Variants in ANKRD30BL observed in about 807,000 individuals in gnomAD.
The protein encoded by ANKRD30BL is putative ankyrin repeat domain-containing protein 30B-like.
ANKRD30BL carries 20 observed loss-of-function variants against 18.4 expected under a neutral mutation model. The ratio of observed to expected loss-of-function variants is 1.09; its 90% CI spans 0.77 to 1.58. The LOEUF is 1.58. Ranked by LOEUF, ANKRD30BL falls within the 40% of genes most tolerant of loss-of-function variation. The probability of loss-of-function intolerance (pLI) is 0.00; values close to 1 mark genes in which losing one functional copy is unlikely to be tolerated. For synonymous variants in ANKRD30BL, 72 were observed against 100.9 expected (o/e 0.71, Z 1.72); for missense variants, 224 against 268.6 (o/e 0.83, Z 1.16).
chr2:132,165,765 CT>C (rs542769216), upstream of ANKRD30BL, among the ~76,000 whole-genome samples: 1,692 of 137,552 alleles, frequency 0.012, 19 homozygotes, highest in African/African-American at 0.03. Context: ...ATATGTAAGA[CT>C]TTTTTTTTTT....
intron 1 of ANKRD30BL, 69 bp downstream of exon 1, chr2:132,161,419 C>T (rs998695834): frequency 1.4e-4 from 188 of 1,370,934 alleles, no homozygotes; most frequent in Non-Finnish European, 1.7e-4. Flanking sequence ...CCAGGCCCCA[C>T]TCTGAAGGGG....
At chr2:132,221,590 A>G (rs1223546788) in intron 1 of ANKRD30BL, among the ~76,000 whole-genome samples, 2 of 100,934 alleles carry the variant, frequency 2.0e-5, no homozygotes, top group African/African-American at 4.3e-5. Context: ...TCTGGGAGGG[A>G]GGTGGGGGGA....
chr2:132,230,028 C>T (rs62166106), intron 1 of ANKRD30BL, among the ~76,000 whole-genome samples: 6 of 151,718 alleles, frequency 4.0e-5, no homozygotes, highest in Admixed American at 4.0e-4. Context: ...CAACTCACAG[C>T]GTTGAAACTT....
intron 1 of ANKRD30BL, among the ~76,000 whole-genome samples, chr2:132,227,837 C>G (rs150905184): frequency 0.011 from 1,636 of 152,128 alleles, 29 homozygotes; most frequent in African/African-American, 0.037. Flanking sequence ...TTTGGAGATT[C>G]TGCAAGTGGA....
chr2:132,241,722 C>T (rs1573883209), intron 1 of ANKRD30BL, among the ~76,000 whole-genome samples: 1 of 151,676 alleles, frequency 6.6e-6, no homozygotes, highest in African/African-American at 2.4e-5. Flanking sequence ...TGAGAAACTT[C>T]TTTCTGATGT....
At chr2:132,200,732 C>T (rs1679081153) in intron 1 of ANKRD30BL, among the ~76,000 whole-genome samples, 1 of 152,036 alleles carries the variant, frequency 6.6e-6, no homozygotes, top group South Asian at 2.1e-4. Context: ...AGGTAATTTA[C>T]ACATTCAATG....
chr2:132,218,552 G>A (rs1176093945), intron 1 of ANKRD30BL, among the ~76,000 whole-genome samples: 1 of 152,270 alleles, frequency 6.6e-6, no homozygotes, highest in African/African-American at 2.4e-5. Context: ...TGATAGAGCA[G>A]GTTTGAAACA....
At chr2:132,222,698 C>T (rs188536114) in intron 1 of ANKRD30BL, among the ~76,000 whole-genome samples, 16 of 151,868 alleles carry the variant, frequency 1.1e-4, no homozygotes, top group African/African-American at 2.7e-4. Context: ...ACAAACATTG[C>T]GGAAGGCCGC....
At chr2:132,232,372 C>T (rs1387384267) in intron 1 of ANKRD30BL, among the ~76,000 whole-genome samples, 12 of 152,092 alleles carry the variant, frequency 7.9e-5, no homozygotes, top group East Asian at 3.9e-4. Context: ...AGGCTTCAGA[C>T]GATCAAATTA....
At chr2:132,226,995 A>T (rs1332241337) in intron 1 of ANKRD30BL, among the ~76,000 whole-genome samples, 2 of 151,822 alleles carry the variant, frequency 1.3e-5, no homozygotes, top group African/African-American at 4.8e-5. Flanking sequence ...GTAAGTGGAC[A>T]TTTGGAGTGC....
At chr2:132,183,416 A>G (rs1479506089) in intron 1 of ANKRD30BL, among the ~76,000 whole-genome samples, 2 of 152,184 alleles carry the variant, frequency 1.3e-5, no homozygotes, top group African/African-American at 4.8e-5. Context: ...GGCATGAATC[A>G]CTGCACCCGG....
chr2:132,250,210 A>G (rs1680614895), intron 1 of ANKRD30BL, among the ~76,000 whole-genome samples: 1 of 152,328 alleles, frequency 6.6e-6, no homozygotes, highest in Non-Finnish European at 1.5e-5. Flanking sequence ...CACTTTGCAG[A>G]TTGTACAAGA....
chr2:132,243,850 A>G (rs1680402886), intron 1 of ANKRD30BL, among the ~76,000 whole-genome samples: 1 of 152,248 alleles, frequency 6.6e-6, no homozygotes, highest in Admixed American at 6.6e-5. Flanking sequence ...TTTTTGTAGG[A>G]TCTGTAAGTT....
chr2:132,195,856 C>T (rs948502027), intron 1 of ANKRD30BL, among the ~76,000 whole-genome samples: 6 of 130,212 alleles, frequency 4.6e-5, no homozygotes, highest in Non-Finnish European at 1.0e-4. Flanking sequence ...AAAATAAAAA[C>T]AGACGTCGAG....
chr2:132,157,839 T>G (rs184165611), intron 1 of ANKRD30BL, among the ~76,000 whole-genome samples: 2 of 152,316 alleles, frequency 1.3e-5, no homozygotes, highest in Non-Finnish European at 2.9e-5. Flanking sequence ...AGCTCAGTAA[T>G]TGATAGATAA....
intron 1 of ANKRD30BL, among the ~76,000 whole-genome samples, chr2:132,238,148 CAGA>C (rs1343111220): frequency 6.6e-6 from 1 of 152,020 alleles, no homozygotes; most frequent in African/African-American, 2.4e-5. Flanking sequence ...AAAAAGAAGA[CAGA>C]AGAATTCTCA....
At chr2:132,245,135 C>G (rs1680459961) in intron 1 of ANKRD30BL, among the ~76,000 whole-genome samples, 1 of 152,220 alleles carries the variant, frequency 6.6e-6, no homozygotes, top group Non-Finnish European at 1.5e-5. Context: ...TTCTCAGAAG[C>G]TGCTTTTTGA....
intron 1 of ANKRD30BL, among the ~76,000 whole-genome samples, chr2:132,191,785 A>C (rs1429989812): frequency 1.5e-5 from 2 of 133,552 alleles, no homozygotes; most frequent in Admixed American, 1.7e-4. Context: ...TCTGTCACCC[A>C]GACTGGAGTG....
At chr2:132,208,625 C>T (rs1474071330) in intron 1 of ANKRD30BL, among the ~76,000 whole-genome samples, 7 of 151,794 alleles carry the variant, frequency 4.6e-5, no homozygotes, top group Non-Finnish European at 1.0e-4. Flanking sequence ...CAGCTATTTA[C>T]CATTTATTTA....
Sources: gnomAD v4.1 joint callset for allele counts (sites outside exome capture counted in the v4.1 genomes callset) on GRCh38, gnomAD v4.1.1 for gene constraint, MANE v1.5 for transcripts, NCBI Gene and HGNC (gene_info 2026-07-23, HGNC 2026-07-21) for gene names.